Variants in PLCB1 observed in about 807,000 individuals in gnomAD.
The protein encoded by PLCB1 is phospholipase C beta 1.
PLCB1 carries 46 observed loss-of-function variants against 161.8 expected under a neutral mutation model. The observed-to-expected ratio is 0.28, with a 90% confidence interval of 0.22 to 0.36. The LOEUF (loss-of-function observed/expected upper bound fraction) is 0.36, where lower values mean the gene tolerates loss of function less well. Ranked by LOEUF, PLCB1 falls within the 10% of genes least tolerant of loss-of-function variation. The pLI, the probability that PLCB1 is intolerant of heterozygous loss-of-function variation, is 1.00. For missense variants in PLCB1, 1,016 were observed against 1,472.5 expected, an observed-to-expected ratio of 0.69 and a Z score of 5.07; for synonymous variants, 517 against 503.7, an observed-to-expected ratio of 1.03 and a Z score of -0.35.
chr20:8,757,218 C>T, intron 24 of PLCB1, 40 bp downstream of exon 24: 1 of 1,565,300 alleles, frequency 6.4e-7, no homozygotes, highest in Non-Finnish European at 8.7e-7. Flanking sequence ...TGAGCAAGAT[C>T]CTCCAGTTCA....
At chr20:8,270,277 C>G (rs376243631) in intron 2 of PLCB1, among the ~76,000 whole-genome samples, 1 of 152,100 alleles carries the variant, frequency 6.6e-6, no homozygotes. Context: ...TCTTTCTCCC[C>G]CACACCCTGC....
At chr20:8,171,801 C>G (rs2051735371) in intron 2 of PLCB1, among the ~76,000 whole-genome samples, 1 of 152,140 alleles carries the variant, frequency 6.6e-6, no homozygotes, top group Non-Finnish European at 1.5e-5. Flanking sequence ...ACTACTTCTA[C>G]TGTACCAGAA....
intron 2 of PLCB1, among the ~76,000 whole-genome samples, chr20:8,157,442 GT>G (rs2051573859): frequency 6.6e-6 from 1 of 152,178 alleles, no homozygotes; most frequent in Non-Finnish European, 1.5e-5. Context: ...AACTTTTAGT[GT>G]TTTTGAGGAT....
intron 3 of PLCB1, among the ~76,000 whole-genome samples, chr20:8,372,424 A>G (rs1000244222): frequency 1.3e-5 from 2 of 152,224 alleles, no homozygotes; most frequent in Non-Finnish European, 2.9e-5. Flanking sequence ...ATTCTATGAC[A>G]CAGCAAACAC....
At chr20:8,865,413 A>C (rs1218116409) in intron 31 of PLCB1, among the ~76,000 whole-genome samples, 1 of 152,262 alleles carries the variant, frequency 6.6e-6, no homozygotes, top group Non-Finnish European at 1.5e-5. Flanking sequence ...AGAAACACTC[A>C]TATCTGCATG....
At chr20:8,174,349 AAAGT>A (rs1375400702) in intron 2 of PLCB1, among the ~76,000 whole-genome samples, 1 of 152,220 alleles carries the variant, frequency 6.6e-6, no homozygotes, top group Non-Finnish European at 1.5e-5. Context: ...TGGCTGAAAG[AAAGT>A]ATCTGTCAAC....
At chr20:8,335,810 A>G (rs1985552618) in intron 2 of PLCB1, among the ~76,000 whole-genome samples, 1 of 152,228 alleles carries the variant, frequency 6.6e-6, no homozygotes, top group Non-Finnish European at 1.5e-5. Context: ...AATTTATGTG[A>G]CTTAGGAACT....
chr20:8,198,272 T>C (rs1337068967), intron 2 of PLCB1, among the ~76,000 whole-genome samples: 6 of 152,206 alleles, frequency 3.9e-5, no homozygotes, highest in African/African-American at 1.2e-4. Context: ...TTTCACAATA[T>C]TGATTCTTCC....
chr20:8,646,246 G>T, intron 5 of PLCB1, 65 bp downstream of exon 5: 1 of 1,112,040 alleles, frequency 9.0e-7, no homozygotes. Context: ...TTTCTCCTTT[G>T]TGAGTCTTCC....
At chr20:8,512,007 G>A (rs1054580368) in intron 3 of PLCB1, among the ~76,000 whole-genome samples, 12 of 152,138 alleles carry the variant, frequency 7.9e-5, no homozygotes, top group African/African-American at 2.6e-4. Context: ...ACAGTCGCAC[G>A]TTACCACCTG....
At chr20:8,770,833 A>G (rs113713672) in intron 26 of PLCB1, among the ~76,000 whole-genome samples, 2,875 of 152,262 alleles carry the variant, frequency 0.019, 40 homozygotes, top group Middle Eastern at 0.034. Flanking sequence ...TTGGCCCTAA[A>G]CCATTCCCAT....
chr20:8,132,861 CA>C lies in PLCB1; in HGVS notation c.99+112del, dbSNP rs1312661988. ...ATGCAATGGGCGCACTGGGAGCGGG[CA>C]GGGGCAGCCTCGGGCGCACAGGTTG... On this transcript the variant is annotated intron_variant, in intron 1 of 31. Coordinates refer to ENST00000338037, the MANE Select transcript of PLCB1 (RefSeq NM_015192.4). The surrounding 1 kb of genome is among the most constrained non-coding windows in gnomAD (Gnocchi z 5.2). The C allele has an allele frequency of 8.2e-6, 6 of 734,252 alleles. No individual in the cohort carries two copies. The highest frequency in any genetic ancestry group is 2.2e-5 in the Admixed American group (1 of 44,686). 45.5% of individuals were successfully genotyped at this position (734,252 alleles called of 1,614,324 possible). A position where few individuals can be genotyped will look rare whatever the true frequency, so the allele number is the denominator to read the frequency against.
At chr20:8,845,213 T>G (rs1600377102) in intron 31 of PLCB1, among the ~76,000 whole-genome samples, 1 of 152,326 alleles carries the variant, frequency 6.6e-6, no homozygotes, top group South Asian at 2.1e-4. Context: ...TGTTGTGGCA[T>G]TTTGGAGGCA....
At chr20:8,873,431 G>A (rs750373340) in intron 31 of PLCB1, among the ~76,000 whole-genome samples, 34 of 152,154 alleles carry the variant, frequency 2.2e-4, no homozygotes, top group Admixed American at 3.9e-4. Flanking sequence ...TCGTAAAATT[G>A]TCCTAGTCAC....
intron 3 of PLCB1, among the ~76,000 whole-genome samples, chr20:8,409,569 T>A (rs1029735156): frequency 6.6e-6 from 1 of 151,836 alleles, no homozygotes; most frequent in Admixed American, 6.6e-5. Context: ...TTCAAGTAAT[T>A]CTCCTTCCTC....
intron 3 of PLCB1, among the ~76,000 whole-genome samples, chr20:8,617,145 G>A (rs967232241): frequency 9.9e-5 from 15 of 152,160 alleles, no homozygotes; most frequent in Admixed American, 4.6e-4. Flanking sequence ...CTTCTACTAA[G>A]TTTTAAGACT....
At chr20:8,202,395 A>G (rs1568588542) in intron 2 of PLCB1, among the ~76,000 whole-genome samples, 1 of 152,154 alleles carries the variant, frequency 6.6e-6, no homozygotes, top group African/African-American at 2.4e-5. Flanking sequence ...TTTTTACAGC[A>G]TTTATTTCTT....
chr20:8,493,592 G>T (rs1411881256), intron 3 of PLCB1, among the ~76,000 whole-genome samples: 1 of 152,202 alleles, frequency 6.6e-6, no homozygotes, highest in Non-Finnish European at 1.5e-5. Context: ...GAGATGCTTT[G>T]TTTCTTGTAA....
chr20:8,177,741 A>G (rs976680152), intron 2 of PLCB1, among the ~76,000 whole-genome samples: 12 of 152,136 alleles, frequency 7.9e-5, no homozygotes, highest in Admixed American at 6.5e-4. Context: ...GGTTCTATAG[A>G]AAAATTACAG....
Sources: gnomAD v4.1 joint callset for allele counts (sites outside exome capture counted in the v4.1 genomes callset) on GRCh38, gnomAD v4.1.1 for gene constraint, Gnocchi (gnomAD v3.1) non-coding constraint, MANE v1.5 for transcripts, NCBI Gene and HGNC (gene_info 2026-07-23, HGNC 2026-07-21) for gene names.